Variants in RALGAPA1 observed in about 807,000 individuals in gnomAD.
RALGAPA1 encodes Ral GTPase activating protein catalytic subunit alpha 1, also known as ral GTPase-activating protein subunit alpha-1.
A neutral mutation model predicts 269.6 loss-of-function variants in RALGAPA1; 52 were observed. The ratio of observed to expected loss-of-function variants is 0.19; its 90% CI spans 0.15 to 0.24. The LOEUF (loss-of-function observed/expected upper bound fraction) is 0.24, where lower values mean the gene tolerates loss of function less well. RALGAPA1 is among the 10% of genes least tolerant of loss of function. The pLI is 1.00. For synonymous variants in RALGAPA1, 817 were observed against 1,008.3 expected (o/e 0.81, Z 3.60); for missense variants, 1,917 against 3,013.9 (o/e 0.64, Z 8.52).
chr14:35,734,076 C>A (rs1289247984), intron 12 of RALGAPA1, among the ~76,000 whole-genome samples: 1 of 152,180 alleles, frequency 6.6e-6, no homozygotes, highest in Non-Finnish European at 1.5e-5. Flanking sequence ...AATGCAAACA[C>A]ATCCCATGCT....
At chr14:35,661,137 C>A (rs775546180) in intron 27 of RALGAPA1, among the ~76,000 whole-genome samples, 2 of 151,962 alleles carry the variant, frequency 1.3e-5, no homozygotes, top group Non-Finnish European at 2.9e-5. Context: ...TTTACTCCCT[C>A]TCACCAAAAA....
chr14:35,645,931 T>C (rs901251646), intron 31 of RALGAPA1, among the ~76,000 whole-genome samples: 8 of 151,836 alleles, frequency 5.3e-5, no homozygotes, highest in African/African-American at 1.9e-4. Context: ...CCCAAAATAA[T>C]GGGGATTTAT....
At position 35,683,846 on chromosome 14, in the gene RALGAPA1, A is replaced by C; in HGVS notation, c.4434T>G (p.Asn1478Lys). ...LHIDSETSSL[N>K]QQAFSAEVAT... ...CAACTTCAGCAGAGAAAGCTTGCTG[A>C]TTAAGACTGCTTGTTTCAGAATCTA... Residue 1478 changes from asparagine to lysine, a missense_variant, in exon 21 of 42, where the codon AAT becomes AAG. Physicochemically the swap from Asn to Lys is moderately conservative, Grantham distance 94. Coordinates refer to ENST00000680220, the MANE Select transcript of RALGAPA1 (RefSeq NM_001346249.2). 1 of 1,610,364 alleles carries C rather than the reference A, an allele frequency of 6.2e-7. No homozygotes were observed. The highest frequency in any genetic ancestry group is 8.5e-7 in the Non-Finnish European group (1 of 1,177,452).
At chr14:35,806,753 A>G (rs1246535618) in intron 1 of RALGAPA1, among the ~76,000 whole-genome samples, 1 of 152,100 alleles carries the variant, frequency 6.6e-6, no homozygotes, top group African/African-American at 2.4e-5. Flanking sequence ...CATTGTGTTT[A>G]CCTTATTTAA....
chr14:35,584,958 AAGACAAATAT>A (rs2058185097), intron 37 of RALGAPA1, among the ~76,000 whole-genome samples: 1 of 152,196 alleles, frequency 6.6e-6, no homozygotes. Flanking sequence ...AGCCACTATA[AAGACAAATAT>A]AGACTAAAAG....
intron 22 of RALGAPA1, 183 bp downstream of exon 22, chr14:35,677,767 C>A: frequency 1.7e-6 from 1 of 587,766 alleles, no homozygotes; most frequent in South Asian, 2.0e-5. Flanking sequence ...ATGAATAAAA[C>A]TCAGACAACA....
intron 39 of RALGAPA1, among the ~76,000 whole-genome samples, chr14:35,569,660 GC>G (rs903927715): frequency 1.7e-4 from 26 of 152,124 alleles, no homozygotes; most frequent in African/African-American, 6.3e-4. Flanking sequence ...TGTTCCCTCT[GC>G]TTGGAAGGCT....
intron 21 of RALGAPA1, among the ~76,000 whole-genome samples, chr14:35,682,055 C>T (rs2065487981): frequency 1.3e-5 from 2 of 151,722 alleles, no homozygotes; most frequent in Non-Finnish European, 1.5e-5. Context: ...TTTATCCACT[C>T]ACCAATTGAT....
At chr14:35,808,676 G>A in intron 1 of RALGAPA1, 54 bp downstream of exon 1, 1 of 1,558,904 alleles carries the variant, frequency 6.4e-7, no homozygotes. Context: ...GGGCTCCCAG[G>A]AGAGGGAAGG....
intron 15 of RALGAPA1, among the ~76,000 whole-genome samples, chr14:35,722,391 T>C (rs1183205362): frequency 2.0e-5 from 3 of 152,138 alleles, no homozygotes; most frequent in Non-Finnish European, 2.9e-5. Context: ...GTGGGCAGAT[T>C]GTTTGAGCCC....
Position 35,685,071 on chromosome 14 carries a change from C to G in RALGAPA1, c.4152G>C (p.Gln1384His), listed in dbSNP as rs775207992. ...GGTCATCAATAGGGCGCATCTGGTT[C>G]TGCTTGTTTAGAATATCAGGGAGGT... ...PKDLPDILNK[Q>H]NQMRPIDDPG... Residue 1384 changes from glutamine to histidine, a missense_variant, in exon 20 of 42, where the codon CAG becomes CAC. Physicochemically the swap from Gln to His is conservative, Grantham distance 24. Transcript: ENST00000680220. 2.5e-6 allele frequency: 4 copies of G among 1,590,674 alleles called. No homozygotes were observed. Among genetic ancestry groups the G allele is most frequent in the Non-Finnish European group, 3.4e-6 (4 of 1,167,720 alleles).
intron 39 of RALGAPA1, among the ~76,000 whole-genome samples, chr14:35,554,625 C>T (rs933980195): frequency 5.3e-5 from 8 of 152,022 alleles, no homozygotes; most frequent in African/African-American, 1.7e-4. Context: ...GGATTACAGG[C>T]GTGAGCCACC....
At chr14:35,682,250 T>C (rs1357675176) in intron 21 of RALGAPA1, among the ~76,000 whole-genome samples, 1 of 152,134 alleles carries the variant, frequency 6.6e-6, no homozygotes. Flanking sequence ...ACTAGCAATG[T>C]ATGCGATTCT....
At position 35,635,578 on chromosome 14, in the gene RALGAPA1, G is replaced by C. The variant is rs758226810; in HGVS notation, c.5697C>G (p.Leu1899=). The C allele has an allele frequency of 6.3e-6, 10 of 1,589,104 alleles. No individual in the cohort carries two copies. Among genetic ancestry groups the C allele is most frequent in the Non-Finnish European group, 8.6e-6 (10 of 1,168,648 alleles). ...MDKRLVVSLL[L]CLLDWIMALP... is the part of the protein sequence containing the mutation. ...AGGCCATGATCCAGTCCAGAAGGCA[G>C]AGAAGTAAAGATACTACCAACTGTA... is the stretch of plus-strand genomic sequence containing the variant. The change falls in exon 32 of 42, where the codon CTC becomes CTG. Residue 1899 remains leucine (L), a synonymous_variant. Coordinates refer to ENST00000680220, the MANE Select transcript of RALGAPA1 (RefSeq NM_001346249.2).
chr14:35,633,083 T>C (rs1189136083), intron 33 of RALGAPA1, among the ~76,000 whole-genome samples: 7 of 152,160 alleles, frequency 4.6e-5, no homozygotes, highest in African/African-American at 1.7e-4. Context: ...ATCTTTTCCT[T>C]TGCTTCTTTT....
intron 35 of RALGAPA1, among the ~76,000 whole-genome samples, chr14:35,611,538 C>G (rs970157044): frequency 6.6e-6 from 1 of 151,120 alleles, no homozygotes; most frequent in African/African-American, 2.4e-5. Flanking sequence ...AAACACCCAG[C>G]CTGGGCAACA....
At chr14:35,628,708 G>A (rs59544153) in intron 33 of RALGAPA1, among the ~76,000 whole-genome samples, 5 of 152,266 alleles carry the variant, frequency 3.3e-5, no homozygotes, top group Middle Eastern at 3.4e-3. Context: ...GTACCTGTAT[G>A]CAAAAGAGAT....
In RALGAPA1 at chr14:35,742,430, G is replaced by A. The variant is rs749619849; in HGVS notation, c.1387C>T (p.Pro463Ser). ...TGGTCTGTGACATTTTCAATGCAAGGGAGGTCTGAAGAAGTGATCACAATT... is the reference window on the plus strand; with the variant it reads ...TGGTCTGTGACATTTTCAATGCAAGAGAGGTCTGAAGAAGTGATCACAATT... Reference protein sequence around the residue: ...EEIVITSSDLPCIENVTDHDI... With the variant: ...EEIVITSSDLSCIENVTDHDI... The change falls in exon 11 of 42, where the codon CCT becomes TCT. Residue 463 changes from proline (P) to serine (S), a missense_variant. Coordinates refer to ENST00000680220, the MANE Select transcript of RALGAPA1 (RefSeq NM_001346249.2). 1.4e-5 allele frequency: 23 copies of A among 1,605,390 alleles called. No homozygotes were observed. The South Asian group carries it at 2.4e-4, about 17-fold the overall frequency.
intron 1 of RALGAPA1, among the ~76,000 whole-genome samples, chr14:35,784,963 G>A (rs1165523664): frequency 2.0e-5 from 3 of 152,124 alleles, no homozygotes; most frequent in Non-Finnish European, 4.4e-5. Context: ...TGGGAGGATA[G>A]CTTGAGGCCA....
Sources: gnomAD v4.1 joint callset for allele counts (sites outside exome capture counted in the v4.1 genomes callset) on GRCh38, gnomAD v4.1.1 for gene constraint, MANE v1.5 for transcripts, NCBI Gene and HGNC (gene_info 2026-07-23, HGNC 2026-07-21) for gene names.